Variants in PIGF observed in about 807,000 individuals in gnomAD.
The protein encoded by PIGF is GPI ethanolamine phosphate transferase, stabilizing subunit.
In PIGF, 23 loss-of-function variants were observed where a neutral mutation model predicts 26.0. That is an observed-to-expected ratio of 0.88 (90% CI 0.64 to 1.25). PIGF has a LOEUF of 1.25. Ranked by LOEUF, PIGF falls within the 50% of genes most tolerant of loss-of-function variation. PIGF has a pLI of 0.00. For synonymous variants in PIGF, 93 were observed against 92.6 expected, an observed-to-expected ratio of 1.00 and a Z score of -0.03; for missense variants, 278 against 249.9, an observed-to-expected ratio of 1.11 and a Z score of -0.76.
intron 4 of PIGF, among the ~76,000 whole-genome samples, chr2:46,604,745 G>A (rs1452864084): frequency 6.6e-6 from 1 of 151,832 alleles, no homozygotes; most frequent in African/African-American, 2.4e-5. Context: ...TGCAGAGAAT[G>A]TGATTAATGG....
At chr2:46,614,862 G>T in intron 2 of PIGF, 75 bp downstream of exon 2, 1 of 700,438 alleles carries the variant, frequency 1.4e-6, no homozygotes. Flanking sequence ...ATAAAGACTT[G>T]ATGAATACTT....
intron 4 of PIGF, among the ~76,000 whole-genome samples, chr2:46,601,981 A>G (rs1332304104): frequency 6.6e-6 from 1 of 152,000 alleles, no homozygotes. Context: ...TCAATGAACT[A>G]TATGGGTGTA....
chr2:46,601,426 G>C (rs1442513894), intron 4 of PIGF, among the ~76,000 whole-genome samples: 2 of 152,090 alleles, frequency 1.3e-5, no homozygotes, highest in Non-Finnish European at 2.9e-5. Flanking sequence ...CACTGTATCA[G>C]ACACCTGAGG....
In PIGF at chr2:46,583,386, G is replaced by GTAATCAT. The variant is rs1260542991; in HGVS notation, c.547-1802_547-1796dup. Among the ~76,000 whole-genome samples the GTAATCAT allele has an allele frequency of 9.7e-4, 148 of 152,182 alleles. 1 individual carries two copies. The highest frequency in any genetic ancestry group is 1.6e-4 in the Non-Finnish European group (11 of 67,964). ...TATCACAGTAATTTTCTTATTCACA[G>GTAATCAT]TAATCATTGTTGGATGTTACCTTTT... On this transcript the variant is annotated intron_variant, in intron 5 of 5. Coordinates refer to ENST00000281382, the MANE Select transcript of PIGF (RefSeq NM_002643.4).
intron 4 of PIGF, among the ~76,000 whole-genome samples, chr2:46,597,196 A>G (rs1051485336): frequency 6.6e-6 from 1 of 152,042 alleles, no homozygotes; most frequent in East Asian, 1.9e-4. Context: ...TCTTTCCTAA[A>G]TTCCAAGACT....
At chr2:46,584,351 C>T (rs1403429952) in intron 5 of PIGF, among the ~76,000 whole-genome samples, 2 of 152,062 alleles carry the variant, frequency 1.3e-5, no homozygotes, top group Non-Finnish European at 2.9e-5. Context: ...AAGTATGAGT[C>T]CCTATACTCT....
At chr2:46,613,878 A>G in intron 2 of PIGF, 93 bp from the exon 3 acceptor site, 2 of 1,081,078 alleles carry the variant, frequency 1.9e-6, no homozygotes, top group Non-Finnish European at 2.7e-6. Flanking sequence ...TTGTTCCCAT[A>G]ATGTGTAAAA....
Position 46,581,049 on chromosome 2 carries a change from G to C in PIGF, c.*429C>G, listed in dbSNP as rs1669347774. 1 of 1,574,830 alleles carries C rather than the reference G, an allele frequency of 6.3e-7. No homozygotes were observed. Among genetic ancestry groups the C allele is most frequent in the South Asian group, 1.2e-5 (1 of 84,370 alleles). Reference sequence around the variant, plus strand: ...AAACACACTGTAAAAAAAAGAATAGGATCAAGATGTATAAACTGTTGTTTA... The same window carrying C: ...AAACACACTGTAAAAAAAAGAATAGCATCAAGATGTATAAACTGTTGTTTA... On this transcript the variant is annotated 3_prime_UTR_variant, in exon 6 of 6. Transcript: ENST00000281382.
At position 46,588,161 on chromosome 2, in the gene PIGF, G is replaced by C. The variant is rs767252203; in HGVS notation, c.546+4314C>G. 1.2e-6 allele frequency: 2 copies of C among 1,612,390 alleles called. No individual in the cohort carries two copies. The highest frequency in any genetic ancestry group is 2.7e-5 in the African/African-American group (2 of 74,774). ...ACATGGAGAGATCTATAAGTGCTAC[G>C]TTTTCTTTCTACTGTCATCTGAAAT... On this transcript the variant is annotated intron_variant, in intron 5 of 5. Transcript: ENST00000281382. This position sits in a 1 kb window ranked among gnomAD's most constrained non-coding sequence, Gnocchi z 4.1.
chr2:46,607,019 A>T (rs1279917944), intron 4 of PIGF, among the ~76,000 whole-genome samples: 1 of 152,238 alleles, frequency 6.6e-6, no homozygotes, highest in East Asian at 1.9e-4. Context: ...ATCACATAAG[A>T]CCCAATTTAT....
chr2:46,601,691 G>A (rs1001448659), intron 4 of PIGF, among the ~76,000 whole-genome samples: 13 of 152,038 alleles, frequency 8.6e-5, no homozygotes, highest in Admixed American at 1.3e-4. Flanking sequence ...TTTTATATGA[G>A]TAAATCTTTG....
At chr2:46,582,273 C>T (rs1006660411) in intron 5 of PIGF, 3 of 143,752 alleles carry the variant, frequency 2.1e-5, no homozygotes, top group African/African-American at 5.2e-5. Context: ...AAGTGAAAGG[C>T]TCTGCTTGAA....
At chr2:46,599,441 C>A (rs1669990034) in intron 4 of PIGF, among the ~76,000 whole-genome samples, 1 of 152,084 alleles carries the variant, frequency 6.6e-6, no homozygotes, top group Non-Finnish European at 1.5e-5. Flanking sequence ...GCATCCCTTT[C>A]ATTTCTCCTC....
intron 2 of PIGF, 182 bp downstream of exon 2, chr2:46,614,755 G>A (rs558821648): frequency 1.1e-4 from 59 of 529,542 alleles, no homozygotes; most frequent in African/African-American, 1.1e-3. Flanking sequence ...GCAAGGCAAG[G>A]ATCAATCAAA....
intron 3 of PIGF, 117 bp downstream of exon 3, chr2:46,613,576 CT>C (rs1670496261): frequency 1.5e-6 from 1 of 656,532 alleles, no homozygotes; most frequent in Non-Finnish European, 2.5e-6. Context: ...TGTTGGTGTC[CT>C]TACTTGATCT....
rs1421411650 is a variant in PIGF at position 46,589,520 on chromosome 2, T to TTA, written c.546+2954_546+2955insTA. The stretch of plus-strand genomic sequence containing the variant: ...TGTGTGTGTGTGTGCATGTGTGTGT[T>TTA]TTTAAAGGTACAATTGCTTAACCAG... On this transcript the variant is annotated intron_variant, in intron 5 of 5. Transcript: ENST00000281382. The surrounding 1 kb of genome is among the most constrained non-coding windows in gnomAD (Gnocchi z 4.7). 6.6e-6 allele frequency among the ~76,000 whole-genome samples: 1 copy of TTA among 151,800 alleles called. No homozygotes were observed. Among genetic ancestry groups the TTA allele is most frequent in the Non-Finnish European group, 1.5e-5 (1 of 67,850 alleles).
chr2:46,595,772 T>C (rs1244260407), intron 4 of PIGF, among the ~76,000 whole-genome samples: 2 of 152,224 alleles, frequency 1.3e-5, no homozygotes, highest in Non-Finnish European at 2.9e-5. Flanking sequence ...CTTGTCATTA[T>C]CTTTTTTTTA....
chr2:46,594,848 T>TTG (rs376701130), intron 4 of PIGF, among the ~76,000 whole-genome samples: 1,514 of 150,332 alleles, frequency 0.01, 25 homozygotes, highest in South Asian at 0.046. Context: ...CCGTTTTTTT[T>TTG]TTTGTTTGTT....
At chr2:46,601,008 A>G (rs1479730635) in intron 4 of PIGF, among the ~76,000 whole-genome samples, 1 of 151,972 alleles carries the variant, frequency 6.6e-6, no homozygotes, top group Admixed American at 6.6e-5. Context: ...TTAACTTTCT[A>G]TATTTTTCTG....
Sources: gnomAD v4.1 joint callset for allele counts (sites outside exome capture counted in the v4.1 genomes callset) on GRCh38, gnomAD v4.1.1 for gene constraint, Gnocchi (gnomAD v3.1) non-coding constraint, MANE v1.5 for transcripts, NCBI Gene and HGNC (gene_info 2026-07-23, HGNC 2026-07-21) for gene names.